The following FMNL3 variants were observed in gnomAD, a reference collection of about 807,000 sequenced individuals.
FMNL3 encodes formin-like protein 3.
In FMNL3, 57 loss-of-function variants were observed where a neutral mutation model predicts 119.6. That is an observed-to-expected ratio of 0.48 (90% CI 0.39 to 0.59). The LOEUF (loss-of-function observed/expected upper bound fraction) is 0.59, where lower values mean the gene tolerates loss of function less well. FMNL3 is among the 20% of genes least tolerant of loss of function. The pLI is 0.00. For missense variants in FMNL3, 1,053 were observed against 1,323.5 expected, an observed-to-expected ratio of 0.80 and a Z score of 3.17; for synonymous variants, 491 against 507.3, an observed-to-expected ratio of 0.97 and a Z score of 0.43.
chr12:49,643,070 T>G lies in FMNL3; in HGVS notation c.*2745A>C. On this transcript the variant is annotated 3_prime_UTR_variant, in exon 26 of 26. Coordinates refer to ENST00000335154, the MANE Select transcript of FMNL3 (RefSeq NM_175736.5). ...GTGAAGCTGGGTTGTTTTGGGGAAA[T>G]AAACACTTTGTTTTCCCCTTACAAT... The G allele has an allele frequency of 6.3e-7, 1 of 1,598,836 alleles. No homozygotes were observed.
At chr12:49,671,329 T>C (rs1944040994) in intron 1 of FMNL3, among the ~76,000 whole-genome samples, 1 of 152,218 alleles carries the variant, frequency 6.6e-6, no homozygotes, top group Non-Finnish European at 1.5e-5. Context: ...TGGAAACGGG[T>C]GGTAGAGGCA....
At chr12:49,693,635 G>GTT (rs1565896489) in intron 1 of FMNL3, among the ~76,000 whole-genome samples, 285 of 21,240 alleles carry the variant, frequency 0.013, 113 homozygotes, top group East Asian at 0.06. Flanking sequence ...TCCCAATCTT[G>GTT]GTTTTTTTTT....
In FMNL3 at chr12:49,649,894, C is replaced by T. The variant is rs765590244; in HGVS notation, c.2032G>A (p.Val678Met). 4.3e-6 allele frequency: 7 copies of T among 1,613,854 alleles called. No individual in the cohort carries two copies. The highest frequency in any genetic ancestry group is 3.3e-5 in the Admixed American group (2 of 60,000). The change falls in exon 18 of 26, where the codon GTG (valine) becomes ATG (methionine). Residue 678 changes from valine (V) to methionine (M), a missense_variant. Transcript: ENST00000335154. The surrounding 1 kb of genome is among the most constrained non-coding windows in gnomAD (Gnocchi z 5.6). ...GGCAGGAAGCGCATCAGGCACTCCA[C>T]GAAGTCCACAGGTAGTGTCTGCAAG... Reference protein sequence around the residue: ...FDLQTLPVDFVECLMRFLPTE... With the variant: ...FDLQTLPVDFMECLMRFLPTE...
intron 1 of FMNL3, among the ~76,000 whole-genome samples, chr12:49,672,866 C>T (rs1042332177): frequency 6.6e-6 from 1 of 152,178 alleles, no homozygotes; most frequent in South Asian, 2.1e-4. Context: ...ATAGGAACCA[C>T]CAAAAATTCC....
At chr12:49,650,550 G>A in intron 17 of FMNL3, 126 bp downstream of exon 17, 1 of 1,069,214 alleles carries the variant, frequency 9.4e-7, no homozygotes, top group South Asian at 1.5e-5. Flanking sequence ...CCAAGCCAGT[G>A]GATGACTAGG....
intron 1 of FMNL3, among the ~76,000 whole-genome samples, chr12:49,687,157 G>A (rs1282640578): frequency 2.0e-5 from 3 of 148,872 alleles, no homozygotes; most frequent in Admixed American, 6.7e-5. Context: ...GCAGTGGCGC[G>A]ATCTCGGCTC....
chr12:49,678,141 C>T (rs1203344917), intron 1 of FMNL3, among the ~76,000 whole-genome samples: 1 of 151,462 alleles, frequency 6.6e-6, no homozygotes, highest in Non-Finnish European at 1.5e-5. Context: ...GGATTACAGG[C>T]GTGAGCCACC....
rs1344450268 is a variant in FMNL3 at position 49,649,997 on chromosome 12, A to G, written c.2001-72T>C. On this transcript the variant is annotated intron_variant, in intron 17 of 25. Coordinates refer to ENST00000335154, the MANE Select transcript of FMNL3 (RefSeq NM_175736.5). This position sits in a 1 kb window ranked among gnomAD's most constrained non-coding sequence, Gnocchi z 5.6. ...TTTCCCTCATCCCTTTTATTCTCCA[A>G]GCTCCTAGAAGAACTGGACAGGGGA... is the stretch of plus-strand genomic sequence containing the variant. 2.2e-5 allele frequency: 29 copies of G among 1,335,326 alleles called. No individual in the cohort carries two copies. The East Asian group carries it at 6.2e-4, about 29-fold the overall frequency. 82.7% of individuals were successfully genotyped at this position (1,335,326 alleles called of 1,614,324 possible). A position where few individuals can be genotyped will look rare whatever the true frequency, so the allele number is the denominator to read the frequency against.
In FMNL3 at chr12:49,643,123, T is replaced by G; in HGVS notation, c.*2692A>C. ...CTCCCTTGGAGGGAAGTTTGAGGATTCCTTTGGCCCTGGGTCCTCCTCCTC... is the reference window on the plus strand; with the variant it reads ...CTCCCTTGGAGGGAAGTTTGAGGATGCCTTTGGCCCTGGGTCCTCCTCCTC... On this transcript the variant is annotated 3_prime_UTR_variant, in exon 26 of 26. Coordinates refer to ENST00000335154, the MANE Select transcript of FMNL3 (RefSeq NM_175736.5). 7.6e-6 allele frequency: 12 copies of G among 1,586,340 alleles called. No individual in the cohort carries two copies. Among genetic ancestry groups the G allele is most frequent in the Non-Finnish European group, 1.0e-5 (12 of 1,158,358 alleles).
At chr12:49,674,432 GACTC>G (rs1944130211) in intron 1 of FMNL3, among the ~76,000 whole-genome samples, 1 of 152,106 alleles carries the variant, frequency 6.6e-6, no homozygotes, top group Admixed American at 6.5e-5. Flanking sequence ...TACCTCCCTG[GACTC>G]TAGGCCTCCA....
At chr12:49,668,121 C>T (rs1943940318) in intron 2 of FMNL3, among the ~76,000 whole-genome samples, 1 of 152,188 alleles carries the variant, frequency 6.6e-6, no homozygotes, top group African/African-American at 2.4e-5. Context: ...CTGCTATTTG[C>T]CAGGGCTAAG....
rs1180096716 is a variant in FMNL3, at chr12:49,650,847, A to C, written c.1829T>G (p.Phe610Cys). Residue 610 changes from phenylalanine to cysteine, a missense_variant, in exon 17 of 26, where the codon TTC (phenylalanine) becomes TGC (cysteine). Transcript: ENST00000335154. Reference sequence around the variant, plus strand: ...GGCAGGGCCCTGCGCTTTTGTCTTGAATAATTCTTCAAACTTATCAAGATC... The same window carrying C: ...GGCAGGGCCCTGCGCTTTTGTCTTGCATAATTCTTCAAACTTATCAAGATC... ...DLDLDKFEEL[F>C]KTKAQGPALD... 6.2e-7 allele frequency: 1 copy of C among 1,614,184 alleles called. No homozygotes were observed. The highest frequency in any genetic ancestry group is 1.1e-5 in the South Asian group (1 of 91,084).
rs1945079484 is a variant in FMNL3, at chr12:49,707,361, A to G, written c.-181T>C. ...TGGCGGGGGCGCGCGGCGAGGGCGG[A>G]GGCAGCGTAGCGGACAGCCGCACCG... On this transcript the variant is annotated 5_prime_UTR_variant, in exon 1 of 26. Coordinates refer to ENST00000335154, the MANE Select transcript of FMNL3 (RefSeq NM_175736.5). 1 of 484,500 alleles carries G rather than the reference A, an allele frequency of 2.1e-6. No individual in the cohort carries two copies. The highest frequency in any genetic ancestry group is 3.6e-5 in the East Asian group (1 of 27,406). 30.0% of individuals were successfully genotyped at this position (484,500 alleles called of 1,614,324 possible). A position where few individuals can be genotyped will look rare whatever the true frequency, so the allele number is the denominator to read the frequency against.
In FMNL3 at chr12:49,637,550, T is replaced by C; in HGVS notation, c.*8265A>G. On this transcript the variant is annotated 3_prime_UTR_variant, in exon 26 of 26. Coordinates refer to ENST00000335154, the MANE Select transcript of FMNL3 (RefSeq NM_175736.5). ...TGGAGCTATATCCAGCAGTCAGCAC[T>C]GATGTCCGCTTTGCCAACATGCTGG... 5 of 1,613,928 alleles carry C rather than the reference T, an allele frequency of 3.1e-6. No individual in the cohort carries two copies. Among genetic ancestry groups the C allele is most frequent in the Non-Finnish European group, 4.2e-6 (5 of 1,180,038 alleles).
chr12:49,660,545 T>C (rs997634154), intron 5 of FMNL3, among the ~76,000 whole-genome samples: 21 of 152,184 alleles, frequency 1.4e-4, no homozygotes, highest in African/African-American at 4.6e-4. Flanking sequence ...TTTAACAGGA[T>C]AACCTGGAAA....
intron 25 of FMNL3, 23 bp downstream of exon 25, chr12:49,646,863 C>T (rs1943214396): frequency 1.2e-6 from 2 of 1,612,914 alleles, no homozygotes; most frequent in African/African-American, 2.7e-5. Flanking sequence ...TGGCCAGGCC[C>T]CAGGGAGTGA....
chr12:49,667,041 T>G (rs1204620636), intron 2 of FMNL3, among the ~76,000 whole-genome samples: 1 of 152,076 alleles, frequency 6.6e-6, no homozygotes, highest in East Asian at 1.9e-4. Flanking sequence ...GAAGGCTGCA[T>G]TCAGCAAGGT....
At position 49,662,428 on chromosome 12, in the gene FMNL3, G is replaced by A. The variant is rs186743195; in HGVS notation, c.369-379C>T. Among the ~76,000 whole-genome samples the A allele has an allele frequency of 7.9e-5, 12 of 152,272 alleles. No individual in the cohort carries two copies. In the East Asian group the frequency reaches 9.6e-4, roughly 12 times the overall value. On this transcript the variant is annotated intron_variant, in intron 4 of 25. Transcript: ENST00000335154. ...CATCAAGAGCATTTACTACAGGCCC[G>A]TGTGCAGAGTTGTGCTTGACCGAAG...
chr12:49,666,016 A>T, intron 3 of FMNL3, 108 bp from the exon 4 acceptor site: 1 of 1,537,318 alleles, frequency 6.5e-7, no homozygotes, highest in Non-Finnish European at 9.0e-7. Context: ...CTGAAATCCA[A>T]CTCCCAATGC....
Sources: allele counts gnomAD v4.1 joint callset (sites outside exome capture counted in the v4.1 genomes callset), GRCh38; gene constraint gnomAD v4.1.1; non-coding constraint Gnocchi (gnomAD v3.1); transcripts MANE v1.5; gene names NCBI Gene and HGNC (gene_info 2026-07-23, HGNC 2026-07-21).